DLGAP1: variants seen among roughly 807,000 people sequenced by gnomAD.
DLGAP1 encodes DLG associated protein 1, also known as disks large-associated protein 1.
Under a neutral mutation model 90.8 loss-of-function variants are expected in DLGAP1, and 11 were observed. The observed-to-expected ratio is 0.12, with a 90% CI of 0.08 to 0.20. The LOEUF is 0.20. Ranked by LOEUF, DLGAP1 falls within the 10% of genes least tolerant of loss-of-function variation. The pLI, the probability that DLGAP1 is intolerant of heterozygous loss-of-function variation, is 1.00. For missense variants in DLGAP1, 1,050 were observed against 1,333.8 expected, an observed-to-expected ratio of 0.79 and a Z score of 3.31; for synonymous variants, 558 against 540.7, an observed-to-expected ratio of 1.03 and a Z score of -0.44.
chr18:4,357,063 C>G (rs78613834), intron 1 of DLGAP1, among the ~76,000 whole-genome samples: 5,772 of 135,384 alleles, frequency 0.043, 230 homozygotes, highest in African/African-American at 0.11. Flanking sequence ...CTGTCTGTCT[C>G]TCTCTCTCTC....
chr18:3,616,931 T>C (rs2057895379), intron 7 of DLGAP1, among the ~76,000 whole-genome samples: 1 of 152,096 alleles, frequency 6.6e-6, no homozygotes, highest in Non-Finnish European at 1.5e-5. Flanking sequence ...AGTCAGCACA[T>C]AAGTAGCCCA....
At chr18:3,860,699 G>A (rs2069995912) in intron 4 of DLGAP1, among the ~76,000 whole-genome samples, 1 of 152,146 alleles carries the variant, frequency 6.6e-6, no homozygotes, top group Non-Finnish European at 1.5e-5. Context: ...CCACCTCCTG[G>A]TGTCATGCCC....
intron 7 of DLGAP1, among the ~76,000 whole-genome samples, chr18:3,708,662 A>G (rs1040260451): frequency 1.3e-5 from 2 of 152,260 alleles, no homozygotes; most frequent in Non-Finnish European, 2.9e-5. Context: ...ACAAGAATTT[A>G]AAAGCTTAAG....
At chr18:3,699,898 C>T (rs1281241439) in intron 7 of DLGAP1, among the ~76,000 whole-genome samples, 8 of 152,222 alleles carry the variant, frequency 5.3e-5, no homozygotes, top group African/African-American at 1.9e-4. Context: ...GCGGTTCAAA[C>T]TTCCCCATGG....
chr18:3,952,680 T>C (rs1391963220), intron 3 of DLGAP1, among the ~76,000 whole-genome samples: 3 of 152,204 alleles, frequency 2.0e-5, no homozygotes, highest in African/African-American at 7.2e-5. Flanking sequence ...CATATACTCA[T>C]TGGTCAAGCT....
chr18:4,307,617 T>C (rs778368834), intron 1 of DLGAP1, among the ~76,000 whole-genome samples: 5 of 151,042 alleles, frequency 3.3e-5, no homozygotes, highest in Admixed American at 6.6e-5. Context: ...GCCACAGAAA[T>C]AGAACACGGC....
At chr18:3,625,229 T>A (rs1215635676) in intron 7 of DLGAP1, among the ~76,000 whole-genome samples, 2 of 152,212 alleles carry the variant, frequency 1.3e-5, no homozygotes, top group East Asian at 3.8e-4. Flanking sequence ...GAAAGTTTTA[T>A]CAGGTATGGA....
At chr18:3,889,035 G>A (rs2071394454) in intron 3 of DLGAP1, among the ~76,000 whole-genome samples, 2 of 152,104 alleles carry the variant, frequency 1.3e-5, no homozygotes, top group African/African-American at 4.8e-5. Flanking sequence ...CTGCAGCAGG[G>A]GGACAGCCTG....
intron 10 of DLGAP1, among the ~76,000 whole-genome samples, chr18:3,525,099 A>AC (rs2051523248): frequency 7.2e-6 from 1 of 139,220 alleles, no homozygotes; most frequent in African/African-American, 2.6e-5. Flanking sequence ...GGAAAAAAAA[A>AC]AAAATCAACA....
Position 3,736,404 on chromosome 18 carries a change from C to T in DLGAP1, c.1350+5931G>A, listed in dbSNP as rs116175054. On this transcript the variant is annotated intron_variant, in intron 6 of 12. Transcript: ENST00000315677. Reference sequence around the variant, plus strand: ...ACAATCTGTTTTTAGGGCTCTTTTACTGCTGTGAGTAATAAATGACAGAAG... The same window carrying T: ...ACAATCTGTTTTTAGGGCTCTTTTATTGCTGTGAGTAATAAATGACAGAAG... Among the ~76,000 whole-genome samples, 247 of 152,204 alleles carry T rather than the reference C, an allele frequency of 1.6e-3. 1 individual carries two copies. Among genetic ancestry groups the T allele is most frequent in the African/African-American group, 5.5e-3 (227 of 41,550 alleles).
At chr18:4,442,451 C>T (rs1235700556) in intron 1 of DLGAP1, among the ~76,000 whole-genome samples, 4 of 152,130 alleles carry the variant, frequency 2.6e-5, no homozygotes, top group East Asian at 1.9e-4. Context: ...GTAGAAAATA[C>T]GCCCTATGCT....
rs138626733 is a variant in DLGAP1, at chr18:3,984,469, G to T, written c.-73+20647C>A. On this transcript the variant is annotated intron_variant, in intron 3 of 12. Coordinates refer to ENST00000315677, the MANE Select transcript of DLGAP1 (RefSeq NM_004746.4). Reference sequence around the variant, plus strand: ...TGGCTGCCTTGAGACTGCTTCACTTGTCTGTTCTGACAGCACTCTAAGCTC... The same window carrying T: ...TGGCTGCCTTGAGACTGCTTCACTTTTCTGTTCTGACAGCACTCTAAGCTC... 9.3e-4 allele frequency among the ~76,000 whole-genome samples: 141 copies of T among 152,226 alleles called. 1 individual carries two copies. Among genetic ancestry groups the T allele is most frequent in the African/African-American group, 3.0e-3 (125 of 41,550 alleles).
At chr18:3,585,721 A>G (rs975306926) in intron 7 of DLGAP1, among the ~76,000 whole-genome samples, 4 of 152,144 alleles carry the variant, frequency 2.6e-5, no homozygotes, top group African/African-American at 9.7e-5. Flanking sequence ...TGGTGGGAGG[A>G]CTGCTTGAGT....
At chr18:4,071,420 C>T (rs1203300864) in intron 2 of DLGAP1, among the ~76,000 whole-genome samples, 1 of 152,022 alleles carries the variant, frequency 6.6e-6, no homozygotes, top group African/African-American at 2.4e-5. Flanking sequence ...ATCTTAAGTT[C>T]TGCTCGGTGA....
chr18:4,252,257 T>C (rs974689642), intron 1 of DLGAP1, among the ~76,000 whole-genome samples: 2 of 152,210 alleles, frequency 1.3e-5, no homozygotes, highest in Admixed American at 1.3e-4. Flanking sequence ...GCTAGTCTCA[T>C]TTCTCTTTTG....
intron 1 of DLGAP1, among the ~76,000 whole-genome samples, chr18:4,353,142 C>G (rs2081435670): frequency 6.6e-6 from 1 of 152,176 alleles, no homozygotes; most frequent in Non-Finnish European, 1.5e-5. Flanking sequence ...AGCCCTCACA[C>G]ACCAAAGATT....
chr18:4,193,790 C>T (rs2077443668), intron 1 of DLGAP1, among the ~76,000 whole-genome samples: 1 of 152,042 alleles, frequency 6.6e-6, no homozygotes, highest in African/African-American at 2.4e-5. Flanking sequence ...TATACTGGCA[C>T]TTTGCTTTTT....
chr18:3,703,778 A>G (rs917925780), intron 7 of DLGAP1, among the ~76,000 whole-genome samples: 2 of 152,076 alleles, frequency 1.3e-5, no homozygotes, highest in Admixed American at 1.3e-4. Context: ...CACAGACTCC[A>G]TTTACGGTTG....
intron 3 of DLGAP1, among the ~76,000 whole-genome samples, chr18:3,912,424 A>G (rs1389505549): frequency 6.6e-6 from 1 of 152,128 alleles, no homozygotes; most frequent in Non-Finnish European, 1.5e-5. Context: ...TCTCCCAGGT[A>G]CTATTACTTA....
Sources: allele counts gnomAD v4.1 joint callset (sites outside exome capture counted in the v4.1 genomes callset), GRCh38; gene constraint gnomAD v4.1.1; transcripts MANE v1.5; gene names NCBI Gene and HGNC (gene_info 2026-07-23, HGNC 2026-07-21).